Variants in PORCN observed in about 807,000 individuals in gnomAD.
The protein encoded by PORCN is protein-serine O-palmitoleoyltransferase porcupine.
A neutral mutation model predicts 43.0 loss-of-function variants in PORCN; 1 was observed. That is an observed-to-expected ratio of 0.02 (90% CI 0.01 to 0.11). The LOEUF (loss-of-function observed/expected upper bound fraction) is 0.11, where lower values mean the gene tolerates loss of function less well. PORCN is among the 10% of genes least tolerant of loss of function. The pLI is 1.00. For synonymous variants in PORCN, 148 were observed against 166.4 expected, an observed-to-expected ratio of 0.89 and a Z score of 0.85; for missense variants, 240 against 392.1, an observed-to-expected ratio of 0.61 and a Z score of 3.28.
In PORCN at chrX:48,517,199, C is replaced by T; in HGVS notation, c.1190C>T (p.Ala397Val). Residue 397 changes from alanine to valine, a missense_variant, in exon 14 of 15, where the codon GCC (alanine) becomes GTC (valine). Physicochemically the swap from Ala to Val is moderately conservative, Grantham distance 64. Transcript: ENST00000326194. Reference sequence around the variant, plus strand: ...CCCCCACAGGGCCTGGGGGTGCGAGCCTTAAACTTGCTCTTTGGAGCTCTG... The same window carrying T: ...CCCCCACAGGGCCTGGGGGTGCGAGTCTTAAACTTGCTCTTTGGAGCTCTG... ...HQHRLGLGVR[A>V]LNLLFGALAI... 6 of 1,169,239 alleles carry T rather than the reference C, an allele frequency of 5.1e-6. No homozygotes were observed. Among genetic ancestry groups the T allele is most frequent in the African/African-American group, 1.8e-5 (1 of 56,475 alleles).
At chrX:48,512,112 G>C in intron 4 of PORCN, 177 bp downstream of exon 4, 1 of 546,838 alleles carries the variant, frequency 1.8e-6, no homozygotes, top group South Asian at 2.7e-5. Context: ...GCATTTTCCC[G>C]AAGTCTGTCT....
chrX:48,516,337 A>G, intron 13 of PORCN, 191 bp downstream of exon 13: 1 of 475,885 alleles, frequency 2.1e-6, no homozygotes, highest in Middle Eastern at 5.6e-4. Context: ...CTGTATACAC[A>G]CCTGGCATTC....
intron 1 of PORCN, chrX:48,509,394 A>T: frequency 1.9e-6 from 1 of 517,773 alleles, no homozygotes; most frequent in Non-Finnish European, 2.7e-6. Flanking sequence ...CCCAAGTGTC[A>T]CAGAATCCCC....
At chrX:48,510,965 T>G (rs2061670888) in intron 2 of PORCN, among the ~76,000 whole-genome samples, 3 of 112,116 alleles carry the variant, frequency 2.7e-5, no homozygotes, top group Admixed American at 1.9e-4. Flanking sequence ...ACAATAATGT[T>G]ATCCTATATA....
At chrX:48,516,296 G>A (rs992788098) in intron 13 of PORCN, 150 bp downstream of exon 13, 11 of 544,199 alleles carry the variant, frequency 2.0e-5, no homozygotes, top group Non-Finnish European at 3.2e-5. Flanking sequence ...GCTGGCATCC[G>A]TTTCCCTAAC....
At chrX:48,510,174 G>A (rs1602068653) in intron 2 of PORCN, among the ~76,000 whole-genome samples, 4 of 110,496 alleles carry the variant, frequency 3.6e-5, no homozygotes, top group East Asian at 2.8e-4. Flanking sequence ...ATGCCACACC[G>A]AGCCACATCC....
Position 48,512,672 on chromosome X carries a change from C to T in PORCN, c.639C>T (p.Tyr213=), listed in dbSNP as rs1447843323. The T allele has an allele frequency of 1.7e-6, 2 of 1,210,062 alleles. No individual in the cohort carries two copies. The highest frequency in any genetic ancestry group is 1.8e-5 in the South Asian group (1 of 56,751). ...CLVLSTCVGP[Y]LFPYFIPLNG... ...TGCTGTCCACTTGCGTGGGCCCCTA[C>T]CTCTTCCCGTACTTCATCCCCCTCA... Residue 213 remains tyrosine, a synonymous_variant, in exon 6 of 15, where the codon TAC becomes TAT. Coordinates refer to ENST00000326194, the MANE Select transcript of PORCN (RefSeq NM_203475.3).
chrX:48,509,022 C>T lies in PORCN; in HGVS notation c.-119C>T, dbSNP rs1328375536. ...CCGCTGCTGGTCCCGGCCTTGCGGC[C>T]TGCGGGGGAGGCTGCCCGGAGGAGG... On this transcript the variant is annotated 5_prime_UTR_variant, in exon 1 of 15. Coordinates refer to ENST00000326194, the MANE Select transcript of PORCN (RefSeq NM_203475.3). 8.8e-6 allele frequency: 1 copy of T among 113,893 alleles called. No individual in the cohort carries two copies. The highest frequency in any genetic ancestry group is 3.2e-5 in the African/African-American group (1 of 31,204). 9.4% of individuals were successfully genotyped at this position (113,893 alleles called of 1,213,427 possible). A position where few individuals can be genotyped will look rare whatever the true frequency, so the allele number is the denominator to read the frequency against.
intron 4 of PORCN, 57 bp downstream of exon 4, chrX:48,511,992 T>G: frequency 2.1e-6 from 2 of 952,251 alleles, no homozygotes; most frequent in Non-Finnish European, 3.0e-6. Context: ...CCTCGTCTCC[T>G]AACTGCCCCC....
At position 48,512,680 on chromosome X, in the gene PORCN, C is replaced by A; in HGVS notation, c.647C>A (p.Pro216Gln). 1.7e-6 allele frequency: 2 copies of A among 1,211,665 alleles called. No homozygotes were observed. Among genetic ancestry groups the A allele is most frequent in the Non-Finnish European group, 2.2e-6 (2 of 895,320 alleles). Residue 216 changes from proline to glutamine, a missense_variant, in exon 6 of 15, where the codon CCG becomes CAG. By Grantham distance (76) the Pro-to-Gln change is moderately conservative. Transcript: ENST00000326194. Reference sequence around the variant, plus strand: ...ACTTGCGTGGGCCCCTACCTCTTCCCGTACTTCATCCCCCTCAACGGTGAC... The same window carrying A: ...ACTTGCGTGGGCCCCTACCTCTTCCAGTACTTCATCCCCCTCAACGGTGAC... ...LSTCVGPYLF[P>Q]YFIPLNGDRL...
At chrX:48,513,684 T>C (rs1305658499) in intron 7 of PORCN, among the ~76,000 whole-genome samples, 1 of 112,524 alleles carries the variant, frequency 8.9e-6, no homozygotes, top group East Asian at 2.8e-4. Flanking sequence ...TTTTTGACCA[T>C]GTCTGATTAC....
At chrX:48,512,132 C>A in intron 4 of PORCN, 194 bp from the exon 5 acceptor site, 1 of 546,261 alleles carries the variant, frequency 1.8e-6, no homozygotes, top group South Asian at 2.7e-5. Context: ...TGTCTCGTGT[C>A]ATGTATGTGC....
chrX:48,517,177 C>T lies in PORCN; in HGVS notation c.1174-6C>T. 1.7e-6 allele frequency: 2 copies of T among 1,161,529 alleles called. No homozygotes were observed. Among genetic ancestry groups the T allele is most frequent in the Non-Finnish European group, 2.3e-6 (2 of 866,881 alleles). On this transcript the variant is annotated splice_region_variant and splice_polypyrimidine_tract_variant and intron_variant, in intron 13 of 14. Transcript: ENST00000326194. ...GTTGCCAAGTATATCCATCTGTCCC[C>T]CACAGGGCCTGGGGGTGCGAGCCTT...
Position 48,517,546 on chromosome X carries a change from G to A in PORCN, c.1284+253G>A, listed in dbSNP as rs782475715. 3.6e-5 allele frequency among the ~76,000 whole-genome samples: 4 copies of A among 112,582 alleles called. No individual in the cohort carries two copies. The East Asian group carries it at 1.1e-3, about 31-fold the overall frequency. ...ATAAAATAACTTTTAGGCTGGGCAT[G>A]CTGGCTCACGCCTACAATCCCAGCA... On this transcript the variant is annotated intron_variant, in intron 14 of 14. Transcript: ENST00000326194.
At chrX:48,516,271 A>G in intron 13 of PORCN, 125 bp downstream of exon 13, 2 of 611,189 alleles carry the variant, frequency 3.3e-6, no homozygotes, top group Non-Finnish European at 5.4e-6. Context: ...CATCCCCATA[A>G]CCTCTCCTCT....
chrX:48,511,611 G>T, intron 3 of PORCN, 124 bp downstream of exon 3: 2 of 671,792 alleles, frequency 3.0e-6, no homozygotes, highest in Admixed American at 2.2e-5. Flanking sequence ...AAGGGAGTCT[G>T]GGAGAATCAT....
At chrX:48,517,555 C>T (rs564389022) in intron 14 of PORCN, among the ~76,000 whole-genome samples, 1 of 112,578 alleles carries the variant, frequency 8.9e-6, no homozygotes, top group African/African-American at 3.2e-5. Context: ...TGCTGGCTCA[C>T]GCCTACAATC....
At position 48,512,630 on chromosome X, in the gene PORCN, G is replaced by A. The variant is rs782640020; in HGVS notation, c.597G>A (p.Leu199=). 4.1e-5 allele frequency: 50 copies of A among 1,210,993 alleles called. No individual in the cohort carries two copies. The highest frequency in any genetic ancestry group is 5.5e-5 in the Non-Finnish European group (49 of 895,096). The change falls in exon 6 of 15, where the codon CTG becomes CTA. Residue 199 remains leucine (L), a synonymous_variant. Coordinates refer to ENST00000326194, the MANE Select transcript of PORCN (RefSeq NM_203475.3). ...AGAAGGTGGCCCGGAGCCTGGCACTGGCCCTGCTGTGCCTTGTGCTGTCCA... is the reference window on the plus strand; with the variant it reads ...AGAAGGTGGCCCGGAGCCTGGCACTAGCCCTGCTGTGCCTTGTGCTGTCCA... ...WLQKVARSLA[L]ALLCLVLSTC...
intron 10 of PORCN, 77 bp from the exon 11 acceptor site, chrX:48,515,640 C>T: frequency 2.3e-6 from 2 of 860,937 alleles, no homozygotes; most frequent in Non-Finnish European, 3.5e-6. Context: ...TGTGGGTATT[C>T]TCATCCTGCT....
Sources: allele counts gnomAD v4.1 joint callset (sites outside exome capture counted in the v4.1 genomes callset), GRCh38; gene constraint gnomAD v4.1.1; transcripts MANE v1.5; gene names NCBI Gene and HGNC (gene_info 2026-07-23, HGNC 2026-07-21).